SAMD5: variants seen among roughly 807,000 people sequenced by gnomAD.
The protein encoded by SAMD5 is sterile alpha motif domain-containing protein 5.
A neutral mutation model predicts 11.3 loss-of-function variants in SAMD5; 13 were observed. The ratio of observed to expected loss-of-function variants is 1.15; its 90% CI spans 0.75 to 1.83. The LOEUF is 1.83. Among genes scored for constraint, SAMD5 ranks in the 40% most tolerant of loss-of-function variants. SAMD5 has a pLI of 0.00. For missense variants in SAMD5, 255 were observed against 239.1 expected (o/e 1.07, Z -0.44); for synonymous variants, 129 against 111.3 (o/e 1.16, Z -1.00).
chr6:147,846,944 T>C, the SAMD5 span, among the ~76,000 whole-genome samples: 1 of 152,180 alleles, frequency 6.6e-6, no homozygotes, highest in Non-Finnish European at 1.5e-5. Context: ...GGTTAAACAC[T>C]ATTGTTATAA....
chr6:147,754,640 C>CA, the SAMD5 span, among the ~76,000 whole-genome samples: 1 of 152,054 alleles, frequency 6.6e-6, no homozygotes, highest in Admixed American at 6.6e-5. Flanking sequence ...TTTGACCAGA[C>CA]CAATGTCCTG....
intron 1 of SAMD5, among the ~76,000 whole-genome samples, chr6:147,606,706 T>G (rs953176211): frequency 2.0e-5 from 3 of 151,474 alleles, no homozygotes; most frequent in African/African-American, 7.3e-5. Context: ...TAAATATAAA[T>G]ATAAATATGT....
the SAMD5 span, among the ~76,000 whole-genome samples, chr6:147,742,594 A>G: frequency 6.6e-6 from 1 of 152,206 alleles, no homozygotes; most frequent in Non-Finnish European, 1.5e-5. Context: ...TTTATCTGAG[A>G]AAGCATTAGG....
chr6:147,828,502 T>C, the SAMD5 span, among the ~76,000 whole-genome samples: 1 of 152,160 alleles, frequency 6.6e-6, no homozygotes, highest in Non-Finnish European at 1.5e-5. Flanking sequence ...TCTAATCAGC[T>C]GCCAGCGCAA....
At chr6:147,510,327 G>A (rs143008953) in intron 1 of SAMD5, among the ~76,000 whole-genome samples, 10 of 152,320 alleles carry the variant, frequency 6.6e-5, no homozygotes, top group African/African-American at 2.4e-4. Context: ...TTCCGTTTAG[G>A]TTTCTAGTTC....
intron 1 of SAMD5, among the ~76,000 whole-genome samples, chr6:147,662,828 A>G (rs1790666276): frequency 6.6e-6 from 1 of 152,250 alleles, no homozygotes; most frequent in Admixed American, 6.5e-5. Flanking sequence ...ATAATTGGCT[A>G]CATGTACTAC....
intron 1 of SAMD5, among the ~76,000 whole-genome samples, chr6:147,605,910 G>A (rs546029966): frequency 6.6e-5 from 10 of 151,916 alleles, no homozygotes; most frequent in Non-Finnish European, 8.8e-5. Context: ...TTTGAGGCAC[G>A]GAGTGCTTAT....
At chr6:147,520,195 G>T (rs371298108) in intron 1 of SAMD5, among the ~76,000 whole-genome samples, 1 of 147,918 alleles carries the variant, frequency 6.8e-6, no homozygotes, top group South Asian at 2.1e-4. Context: ...TTGGCTCACT[G>T]CAACCTTCAC....
rs1238567518 is a variant in SAMD5, at chr6:147,568,728, A to G, written c.*4272A>G. ...AGAGTTTTCTAATTTTACTCTTATT[A>G]GCTCCCTCAGTTGTCATCAATTACA... On this transcript the variant is annotated 3_prime_UTR_variant, in exon 2 of 2. Coordinates refer to ENST00000367474, the MANE Select transcript of SAMD5 (RefSeq NM_001030060.3). The G allele has an allele frequency of 5.1e-6, 5 of 982,542 alleles. 1 individual carries two copies. Among genetic ancestry groups the G allele is most frequent in the African/African-American group, 1.7e-5 (1 of 57,160 alleles). 60.9% of individuals were successfully genotyped at this position (982,542 alleles called of 1,614,324 possible).
intron 1 of SAMD5, among the ~76,000 whole-genome samples, chr6:147,611,961 A>G (rs1789793900): frequency 6.6e-6 from 1 of 152,224 alleles, no homozygotes; most frequent in African/African-American, 2.4e-5. Context: ...AGCTGTAGGT[A>G]CTTGCTAGAG....
intron 1 of SAMD5, among the ~76,000 whole-genome samples, chr6:147,619,294 A>G (rs1433095066): frequency 1.3e-5 from 2 of 152,258 alleles, no homozygotes; most frequent in Admixed American, 6.5e-5. Flanking sequence ...CTGCATTTAT[A>G]GCTGAACTTC....
At chr6:147,560,468 C>T (rs1788930367) in intron 1 of SAMD5, among the ~76,000 whole-genome samples, 1 of 152,164 alleles carries the variant, frequency 6.6e-6, no homozygotes. Flanking sequence ...TATTAATATA[C>T]AGTCACCGGT....
Position 147,569,600 on chromosome 6 carries a change from G to A in SAMD5, c.*5144G>A, listed in dbSNP as rs375380984. Reference sequence around the variant, plus strand: ...AAATGCTGTGTTAAATATCTCCAGGGCAAAGTGGTATGTTGACTGGGACAA... The same window carrying A: ...AAATGCTGTGTTAAATATCTCCAGGACAAAGTGGTATGTTGACTGGGACAA... On this transcript the variant is annotated 3_prime_UTR_variant, in exon 2 of 2. Transcript: ENST00000367474. 38 of 984,098 alleles carry A rather than the reference G, an allele frequency of 3.9e-5. No individual in the cohort carries two copies. In the East Asian group the frequency reaches 3.0e-3, roughly 76 times the overall value. 61.0% of individuals were successfully genotyped at this position (984,098 alleles called of 1,614,324 possible).
the SAMD5 span, among the ~76,000 whole-genome samples, chr6:147,761,278 G>A: frequency 1.3e-5 from 2 of 151,794 alleles, no homozygotes; most frequent in Non-Finnish European, 2.9e-5. Context: ...ACTATTGAAC[G>A]TTTTGTTAAA....
chr6:147,736,795 G>A (rs1299067910), intron 1 of SAMD5, among the ~76,000 whole-genome samples: 3 of 152,054 alleles, frequency 2.0e-5, no homozygotes, highest in Admixed American at 2.0e-4. Context: ...TTTCTCTTCT[G>A]TGACTTAGTT....
At chr6:147,724,505 A>AT (rs2128459505) in intron 1 of SAMD5, among the ~76,000 whole-genome samples, 1 of 152,340 alleles carries the variant, frequency 6.6e-6, no homozygotes, top group Admixed American at 6.5e-5. Flanking sequence ...TTCAGATAAA[A>AT]TAACTATGAC....
At chr6:147,511,277 A>G (rs1263345354) in intron 1 of SAMD5, among the ~76,000 whole-genome samples, 5 of 152,244 alleles carry the variant, frequency 3.3e-5, no homozygotes, top group African/African-American at 4.8e-5. Context: ...TATCAAACAT[A>G]GAGGCTGGAA....
the SAMD5 span, among the ~76,000 whole-genome samples, chr6:147,800,518 C>T: frequency 0.012 from 1,868 of 152,262 alleles, 49 homozygotes; most frequent in African/African-American, 0.042. Context: ...ACTGCTGTCT[C>T]TTTGTTTGTC....
At chr6:147,519,223 TATA>T (rs1788216232) in intron 1 of SAMD5, among the ~76,000 whole-genome samples, 1 of 152,206 alleles carries the variant, frequency 6.6e-6, no homozygotes, top group South Asian at 2.1e-4. Flanking sequence ...AATGTAACTT[TATA>T]ATAAGACTAG....
Sources: gnomAD v4.1 joint callset for allele counts (sites outside exome capture counted in the v4.1 genomes callset) on GRCh38, gnomAD v4.1.1 for gene constraint, MANE v1.5 for transcripts, NCBI Gene and HGNC (gene_info 2026-07-23, HGNC 2026-07-21) for gene names.